ZBTB20: variants seen among roughly 807,000 people sequenced by gnomAD.
The protein encoded by ZBTB20 is zinc finger and BTB domain-containing protein 20.
Under a neutral mutation model 56.9 loss-of-function variants are expected in ZBTB20, and 9 were observed. The observed-to-expected ratio is 0.16, with a 90% CI of 0.10 to 0.28. ZBTB20 has a LOEUF of 0.28. Among genes scored for constraint, ZBTB20 ranks in the 10% least tolerant of loss-of-function variants. The pLI is 1.00. For missense variants in ZBTB20, 655 were observed against 1,003.0 expected (o/e 0.65, Z 4.69); for synonymous variants, 417 against 420.7 (o/e 0.99, Z 0.11).
chr3:114,989,159 G>A (rs2078688206), intron 2 of ZBTB20, among the ~76,000 whole-genome samples: 1 of 152,154 alleles, frequency 6.6e-6, no homozygotes, highest in Non-Finnish European at 1.5e-5. Flanking sequence ...TGGTGTTTTA[G>A]ACATGAAGTC....
intron 3 of ZBTB20, among the ~76,000 whole-genome samples, chr3:114,964,695 G>A (rs924922089): frequency 1.1e-4 from 16 of 152,148 alleles, no homozygotes; most frequent in African/African-American, 3.6e-4. Flanking sequence ...TGGAGGAGGC[G>A]GGGGGTGATG....
intron 3 of ZBTB20, among the ~76,000 whole-genome samples, chr3:114,945,205 C>A (rs2107873985): frequency 6.9e-6 from 1 of 144,706 alleles, no homozygotes; most frequent in Non-Finnish European, 1.5e-5. Context: ...TTTAAAAAGT[C>A]AAAATAAGAA....
chr3:115,024,116 A>C (rs1210018984), intron 2 of ZBTB20, among the ~76,000 whole-genome samples: 1 of 151,238 alleles, frequency 6.6e-6, no homozygotes, highest in African/African-American at 2.4e-5. Context: ...TACTGTTGGC[A>C]GAAAGCAAAG....
intron 1 of ZBTB20, among the ~76,000 whole-genome samples, chr3:115,133,272 A>G (rs983803938): frequency 1.3e-4 from 20 of 152,172 alleles, no homozygotes; most frequent in African/African-American, 4.8e-4. Context: ...TAAATTTGTC[A>G]CACAGCTACA....
intron 7 of ZBTB20, among the ~76,000 whole-genome samples, chr3:114,440,912 G>A (rs1173872141): frequency 1.3e-5 from 2 of 152,166 alleles, no homozygotes; most frequent in African/African-American, 4.8e-5. Flanking sequence ...CATTAGGGCT[G>A]TCCTCTCTGA....
At chr3:114,342,097 T>G (rs745499588) in intron 11 of ZBTB20, among the ~76,000 whole-genome samples, 2 of 152,244 alleles carry the variant, frequency 1.3e-5, no homozygotes, top group Non-Finnish European at 2.9e-5. Context: ...TTTCAGAAAC[T>G]GTCTTACTAA....
chr3:114,854,540 G>A (rs569184470), intron 4 of ZBTB20, among the ~76,000 whole-genome samples: 1 of 152,240 alleles, frequency 6.6e-6, no homozygotes, highest in Non-Finnish European at 1.5e-5. Flanking sequence ...GCTTTAAATT[G>A]GCTGCAAAAG....
At chr3:114,661,676 A>G (rs1357966464) in intron 6 of ZBTB20, among the ~76,000 whole-genome samples, 3 of 152,036 alleles carry the variant, frequency 2.0e-5, no homozygotes, top group Non-Finnish European at 4.4e-5. Context: ...AAATTAGTTT[A>G]CTCTGCCTGG....
intron 3 of ZBTB20, among the ~76,000 whole-genome samples, chr3:114,956,498 A>G (rs570564924): frequency 8.7e-4 from 132 of 152,250 alleles, no homozygotes; most frequent in Non-Finnish European, 1.5e-3. Context: ...TTTTTTCAAC[A>G]TAACCTTTCC....
chr3:114,462,907 G>A (rs1398849351), intron 7 of ZBTB20, among the ~76,000 whole-genome samples: 1 of 152,106 alleles, frequency 6.6e-6, no homozygotes, highest in East Asian at 1.9e-4. Flanking sequence ...ATGCCTCTTG[G>A]CCTGAGGACT....
Position 114,799,165 on chromosome 3 carries a change from T to C in ZBTB20, c.-343+1936A>G, listed in dbSNP as rs1489295588. On this transcript the variant is annotated intron_variant, in intron 5 of 11. Coordinates refer to ENST00000675478, the MANE Select transcript of ZBTB20 (RefSeq NM_001348800.3). ...ATACTTATTGTACCACTTGTCCCAT[T>C]TCCCTGAAACAAAATCTATAATATG... 4.6e-5 allele frequency among the ~76,000 whole-genome samples: 7 copies of C among 152,036 alleles called. No homozygotes were observed. The East Asian group carries it at 1.4e-3, about 29-fold the overall frequency.
Position 114,338,266 on chromosome 3 carries a change from T to G in ZBTB20, c.*739A>C, listed in dbSNP as rs1293831918. 3 of 152,316 alleles carry G rather than the reference T, an allele frequency of 2.0e-5. No homozygotes were observed. The highest frequency in any genetic ancestry group is 3.9e-4 in the East Asian group (2 of 5,186). 9.4% of individuals were successfully genotyped at this position (152,316 alleles called of 1,614,324 possible). On this transcript the variant is annotated 3_prime_UTR_variant, in exon 12 of 12. Transcript: ENST00000675478. ...GACACTGAATAAATACGATAGCCACTGTTGCTTGTTGCTTGTCCAAGTCTT... is the reference window on the plus strand; with the variant it reads ...GACACTGAATAAATACGATAGCCACGGTTGCTTGTTGCTTGTCCAAGTCTT...
At chr3:115,095,324 C>T (rs549380075) in intron 1 of ZBTB20, among the ~76,000 whole-genome samples, 9 of 152,186 alleles carry the variant, frequency 5.9e-5, no homozygotes, top group African/African-American at 1.7e-4. Context: ...ACAAAGGTTG[C>T]ATTGGTTAAC....
intron 7 of ZBTB20, among the ~76,000 whole-genome samples, chr3:114,414,606 T>C (rs781392995): frequency 2.6e-5 from 4 of 151,788 alleles, no homozygotes; most frequent in Admixed American, 6.6e-5. Context: ...TCAAAATTAT[T>C]TGTGGCCTTG....
At chr3:114,755,961 C>T (rs1483296537) in intron 5 of ZBTB20, among the ~76,000 whole-genome samples, 1 of 152,160 alleles carries the variant, frequency 6.6e-6, no homozygotes, top group Non-Finnish European at 1.5e-5. Flanking sequence ...AGTTTAAAGG[C>T]AACTGTATAG....
At chr3:114,588,067 C>G (rs1010535423) in intron 6 of ZBTB20, among the ~76,000 whole-genome samples, 7 of 152,124 alleles carry the variant, frequency 4.6e-5, no homozygotes, top group African/African-American at 1.4e-4. Context: ...ATGTGTATAG[C>G]CTTTAGTTCA....
chr3:114,655,858 T>G (rs2060382921), intron 6 of ZBTB20, among the ~76,000 whole-genome samples: 1 of 152,208 alleles, frequency 6.6e-6, no homozygotes, highest in South Asian at 2.1e-4. Flanking sequence ...AGTTTTTCTT[T>G]TAAAGAAATT....
chr3:114,746,543 A>C (rs962841054), intron 5 of ZBTB20, among the ~76,000 whole-genome samples: 12 of 152,124 alleles, frequency 7.9e-5, no homozygotes, highest in African/African-American at 2.9e-4. Context: ...TGTCAGAGAG[A>C]GATCTCTTCC....
intron 6 of ZBTB20, among the ~76,000 whole-genome samples, chr3:114,505,663 G>T (rs980391083): frequency 6.6e-6 from 1 of 152,046 alleles, no homozygotes; most frequent in African/African-American, 2.4e-5. Context: ...TAACGTTCTA[G>T]AAGTATTGCG....
Sources: gnomAD v4.1 joint callset for allele counts (sites outside exome capture counted in the v4.1 genomes callset) on GRCh38, gnomAD v4.1.1 for gene constraint, MANE v1.5 for transcripts, NCBI Gene and HGNC (gene_info 2026-07-23, HGNC 2026-07-21) for gene names.